Variants in RAI1 observed in about 807,000 individuals in gnomAD.
RAI1 encodes retinoic acid-induced protein 1.
Under a neutral mutation model 123.8 loss-of-function variants are expected in RAI1, and 9 were observed. The ratio of observed to expected loss-of-function variants is 0.07; its 90% CI spans 0.04 to 0.13. RAI1 has a LOEUF of 0.13. RAI1 is among the 10% of genes least tolerant of loss of function. The pLI is 1.00. For synonymous variants in RAI1, 1,231 were observed against 1,127.3 expected (o/e 1.09, Z -1.84); for missense variants, 2,256 against 2,545.8 (o/e 0.89, Z 2.45).
chr17:17,701,071 C>G (rs1213464299), intron 1 of RAI1, among the ~76,000 whole-genome samples: 3 of 152,136 alleles, frequency 2.0e-5, no homozygotes, highest in Non-Finnish European at 4.4e-5. Context: ...CGCTCATCCT[C>G]CCTGAAACCC....
Position 17,811,203 on chromosome 17 carries a change from C to A in RAI1, c.*1222C>A. On this transcript the variant is annotated 3_prime_UTR_variant, in exon 6 of 6. Transcript: ENST00000353383. ...GTACATATGACTGTAAAATGGTAAACGTGTGTATTATATCTGGCCTCGTTA... is the reference window on the plus strand; with the variant it reads ...GTACATATGACTGTAAAATGGTAAAAGTGTGTATTATATCTGGCCTCGTTA... The A allele has an allele frequency of 3.1e-6, 1 of 326,340 alleles. No individual in the cohort carries two copies. Among genetic ancestry groups the A allele is most frequent in the South Asian group, 2.5e-5 (1 of 39,254 alleles). 20.2% of individuals were successfully genotyped at this position (326,340 alleles called of 1,614,324 possible). A position where few individuals can be genotyped will look rare whatever the true frequency, so the allele number is the denominator to read the frequency against.
At chr17:17,783,761 G>C (rs554055306) in intron 2 of RAI1, among the ~76,000 whole-genome samples, 3 of 151,988 alleles carry the variant, frequency 2.0e-5, no homozygotes, top group African/African-American at 7.2e-5. Flanking sequence ...ACCTCGATGG[G>C]GTGCTGAGGT....
intron 2 of RAI1, among the ~76,000 whole-genome samples, chr17:17,766,930 AG>A (rs2030957671): frequency 6.8e-6 from 1 of 146,146 alleles, no homozygotes; most frequent in Non-Finnish European, 1.5e-5. Flanking sequence ...ATGGGTTGCG[AG>A]CAGGAGAGGG....
chr17:17,705,393 C>T (rs1032795557), intron 1 of RAI1, among the ~76,000 whole-genome samples: 2 of 151,764 alleles, frequency 1.3e-5, no homozygotes, highest in East Asian at 1.9e-4. Context: ...ACTCTGGGAG[C>T]CCAAGGCAGG....
intron 2 of RAI1, among the ~76,000 whole-genome samples, chr17:17,756,288 C>T (rs1286277064): frequency 1.3e-5 from 2 of 150,604 alleles, no homozygotes; most frequent in Non-Finnish European, 3.0e-5. Context: ...ACCTCTGCCT[C>T]CCAGGTTCAA....
At chr17:17,756,794 G>A (rs2030455182) in intron 2 of RAI1, among the ~76,000 whole-genome samples, 1 of 152,232 alleles carries the variant, frequency 6.6e-6, no homozygotes, top group Non-Finnish European at 1.5e-5. Flanking sequence ...TCGGTAACGA[G>A]GCAGGGAAGT....
chr17:17,782,651 G>A (rs999905134), intron 2 of RAI1, among the ~76,000 whole-genome samples: 1 of 143,028 alleles, frequency 7.0e-6, no homozygotes, highest in Non-Finnish European at 1.5e-5. Flanking sequence ...GACCCAGTGG[G>A]GACCGAAGCA....
chr17:17,778,842 G>A (rs1053935589), intron 2 of RAI1: 13 of 456,792 alleles, frequency 2.8e-5, no homozygotes, highest in Non-Finnish European at 5.7e-5. Flanking sequence ...CTCTCCCCCA[G>A]ATGCTGAGTG....
chr17:17,758,627 T>G (rs550681733), intron 2 of RAI1, among the ~76,000 whole-genome samples: 1 of 152,340 alleles, frequency 6.6e-6, no homozygotes, highest in African/African-American at 2.4e-5. Flanking sequence ...CACCAGAGAT[T>G]TAAAACAAAG....
chr17:17,737,351 C>G (rs1916463916), intron 2 of RAI1, among the ~76,000 whole-genome samples: 1 of 152,124 alleles, frequency 6.6e-6, no homozygotes, highest in Non-Finnish European at 1.5e-5. Flanking sequence ...GGGTCTTGCC[C>G]AGACTCACTC....
rs371983878 is a variant in RAI1, at chr17:17,793,779, CCAGCAGCAGCAGCAGCAGCAGCAGCAG to C, written c.846_872del (p.Gln283_Gln291del). Reference sequence around the variant, plus strand: ...ACCAGTCGGGCCGCCTCAGCTATGACCAGCAGCAGCAGCAGCAGCAGCAGCAGCAGCAGCAGCAGCAAGCCCTTCAGA... The same window carrying C: ...ACCAGTCGGGCCGCCTCAGCTATGACCAGCAGCAGCAGCAAGCCCTTCAGA... On this transcript the variant is annotated inframe_deletion, in exon 3 of 6. Coordinates refer to ENST00000353383, the MANE Select transcript of RAI1 (RefSeq NM_030665.4). The C allele has an allele frequency of 3.7e-5, 50 of 1,357,286 alleles. No homozygotes were observed. Among genetic ancestry groups the C allele is most frequent in the East Asian group, 5.2e-5 (1 of 19,368 alleles). 84.1% of individuals were successfully genotyped at this position (1,357,286 alleles called of 1,614,324 possible).
At chr17:17,697,968 C>T (rs1379827809) in intron 1 of RAI1, among the ~76,000 whole-genome samples, 1 of 152,208 alleles carries the variant, frequency 6.6e-6, no homozygotes, top group Non-Finnish European at 1.5e-5. Context: ...TGCGCACTGA[C>T]TGAGTTGCTG....
intron 1 of RAI1, among the ~76,000 whole-genome samples, chr17:17,707,108 G>A (rs920705972): frequency 2.0e-5 from 3 of 152,110 alleles, no homozygotes; most frequent in Admixed American, 6.5e-5. Context: ...TCAGGAGTTC[G>A]AGGCCAGCCT....
chr17:17,785,058 ATG>A (rs1227311451), intron 2 of RAI1, among the ~76,000 whole-genome samples: 6 of 152,094 alleles, frequency 3.9e-5, no homozygotes, highest in Non-Finnish European at 2.9e-5. Flanking sequence ...GGGCAGTTGT[ATG>A]TGTGTCTGCC....
rs1188398589 is a variant in RAI1, at chr17:17,797,090, G to A, written c.4142G>A (p.Gly1381Asp). ...AGGSPVGVEE[G>D]LVNVGTGQKL... ...GGCAGCCCAGTGGGGGTGGAAGAAG[G>A]CCTGGTAAATGTGGGCACCGGGCAG... is the stretch of plus-strand genomic sequence containing the variant. Residue 1381 changes from glycine to aspartate, a missense_variant, in exon 3 of 6, where the codon GGC (glycine) becomes GAC (aspartate). By Grantham distance (94) the Gly-to-Asp change is moderately conservative (BLOSUM62 -1). Coordinates refer to ENST00000353383, the MANE Select transcript of RAI1 (RefSeq NM_030665.4). 1 of 1,614,042 alleles carries A rather than the reference G, an allele frequency of 6.2e-7. No homozygotes were observed. The highest frequency in any genetic ancestry group is 8.5e-7 in the Non-Finnish European group (1 of 1,180,042).
chr17:17,755,940 C>A (rs76129803), intron 2 of RAI1, among the ~76,000 whole-genome samples: 1 of 152,230 alleles, frequency 6.6e-6, no homozygotes, highest in Non-Finnish European at 1.5e-5. Context: ...TCCAGCTGGC[C>A]GCTCTTTGCA....
intron 2 of RAI1, among the ~76,000 whole-genome samples, chr17:17,752,545 C>T (rs2030243289): frequency 6.6e-6 from 1 of 152,176 alleles, no homozygotes; most frequent in Non-Finnish European, 1.5e-5. Flanking sequence ...CAAAGGACGC[C>T]TCCAGACCCG....
intron 1 of RAI1, among the ~76,000 whole-genome samples, chr17:17,710,675 C>T (rs888017008): frequency 7.9e-5 from 12 of 152,250 alleles, no homozygotes; most frequent in Admixed American, 5.9e-4. Flanking sequence ...AGGACTGGCC[C>T]CCTCCTCATT....
Position 17,796,589 on chromosome 17 carries a change from T to C in RAI1, c.3641T>C (p.Leu1214Pro), listed in dbSNP as rs2032259356. ...RVPKPGAGSK[L>P]SDRPLHALKR... is the part of the protein sequence containing the mutation. ...CCCAAACCTGGTGCAGGCAGCAAGCTCTCTGACCGGCCCCTCCATGCGCTC... is the reference window on the plus strand; with the variant it reads ...CCCAAACCTGGTGCAGGCAGCAAGCCCTCTGACCGGCCCCTCCATGCGCTC... Residue 1214 changes from leucine (L) to proline (P), a missense_variant, in exon 3 of 6, where the codon CTC (leucine) becomes CCC (proline). Around this residue, in one of 7 missense-constraint regions of RAI1, gnomAD observed 322 missense variants for 358.0 expected, o/e 0.90. Coordinates refer to ENST00000353383, the MANE Select transcript of RAI1 (RefSeq NM_030665.4). The surrounding 1 kb of genome is among the most constrained non-coding windows in gnomAD (Gnocchi z 5.8). The C allele has an allele frequency of 6.2e-7, 1 of 1,611,766 alleles. No individual in the cohort carries two copies. Among genetic ancestry groups the C allele is most frequent in the Non-Finnish European group, 8.5e-7 (1 of 1,179,944 alleles).
Sources: gnomAD v4.1 joint callset for allele counts (sites outside exome capture counted in the v4.1 genomes callset) on GRCh38, gnomAD v4.1.1 for gene constraint, gnomAD v4.1.1 regional missense constraint, Gnocchi (gnomAD v3.1) non-coding constraint, MANE v1.5 for transcripts, NCBI Gene and HGNC (gene_info 2026-07-23, HGNC 2026-07-21) for gene names.